CCSER1: variants seen among roughly 807,000 people sequenced by gnomAD.
CCSER1 encodes coiled-coil serine rich protein 1.
CCSER1 carries 41 observed loss-of-function variants against 82.0 expected under a neutral mutation model. The observed-to-expected ratio is 0.50, with a 90% CI of 0.39 to 0.65. The LOEUF is 0.65. Among genes scored for constraint, CCSER1 ranks in the 30% least tolerant of loss-of-function variants. CCSER1 has a pLI of 0.00. For synonymous variants in CCSER1, 414 were observed against 383.9 expected, an observed-to-expected ratio of 1.08 and a Z score of -0.92; for missense variants, 1,119 against 1,064.2, an observed-to-expected ratio of 1.05 and a Z score of -0.72.
At chr4:91,358,164 A>G (rs1748983513) in intron 10 of CCSER1, among the ~76,000 whole-genome samples, 1 of 151,750 alleles carries the variant, frequency 6.6e-6, no homozygotes, top group Non-Finnish European at 1.5e-5. Context: ...TGCCTCTGCC[A>G]GCTGCTTATA....
At chr4:91,519,215 T>C (rs762247266) in intron 10 of CCSER1, among the ~76,000 whole-genome samples, 5 of 152,160 alleles carry the variant, frequency 3.3e-5, no homozygotes, top group African/African-American at 1.2e-4. Flanking sequence ...CACTTTTCCA[T>C]AGGGCGGCCA....
At chr4:91,127,236 A>C (rs1396245964) in intron 10 of CCSER1, among the ~76,000 whole-genome samples, 2 of 152,124 alleles carry the variant, frequency 1.3e-5, no homozygotes, top group Non-Finnish European at 2.9e-5. Flanking sequence ...AGAAATTACC[A>C]AGGGCACTAT....
intron 9 of CCSER1, among the ~76,000 whole-genome samples, chr4:90,977,918 T>G (rs1735756425): frequency 6.6e-6 from 1 of 151,692 alleles, no homozygotes; most frequent in African/African-American, 2.4e-5. Context: ...TCAATTCCTT[T>G]TCAATGCCCT....
intron 6 of CCSER1, among the ~76,000 whole-genome samples, chr4:90,712,899 G>A (rs541153960): frequency 7.3e-5 from 10 of 137,020 alleles, no homozygotes; most frequent in East Asian, 4.5e-4. Flanking sequence ...AATGTCCTTC[G>A]TCTCTTTTTT....
chr4:90,740,181 A>G (rs1164710867), intron 7 of CCSER1, among the ~76,000 whole-genome samples: 1 of 152,208 alleles, frequency 6.6e-6, no homozygotes, highest in Non-Finnish European at 1.5e-5. Context: ...AATAATGGAT[A>G]AAAACACTAA....
At chr4:91,395,545 G>A (rs975220142) in intron 10 of CCSER1, among the ~76,000 whole-genome samples, 5 of 152,062 alleles carry the variant, frequency 3.3e-5, no homozygotes, top group African/African-American at 9.7e-5. Context: ...GTCAACTGAA[G>A]GATGTGGGGA....
chr4:90,461,694 C>G (rs749408497), intron 4 of CCSER1, among the ~76,000 whole-genome samples: 1 of 152,120 alleles, frequency 6.6e-6, no homozygotes, highest in Non-Finnish European at 1.5e-5. Flanking sequence ...CTTCACTTTT[C>G]TTCAGTCTCT....
chr4:91,161,413 A>G (rs981608873), intron 10 of CCSER1, among the ~76,000 whole-genome samples: 6 of 152,114 alleles, frequency 3.9e-5, no homozygotes, highest in Non-Finnish European at 8.8e-5. Flanking sequence ...TATGAACTTT[A>G]AAGTAGTTTT....
At chr4:90,757,102 T>C (rs190295887) in intron 7 of CCSER1, among the ~76,000 whole-genome samples, 1 of 152,352 alleles carries the variant, frequency 6.6e-6, no homozygotes, top group East Asian at 1.9e-4. Flanking sequence ...TTTGTCTCAC[T>C]TTTGAAATGG....
chr4:91,541,223 T>C (rs1451757444), intron 10 of CCSER1, among the ~76,000 whole-genome samples: 1 of 152,162 alleles, frequency 6.6e-6, no homozygotes, highest in Non-Finnish European at 1.5e-5. Context: ...TATCATTCAC[T>C]ACAGTTTTTC....
intron 8 of CCSER1, among the ~76,000 whole-genome samples, chr4:90,853,108 A>C (rs551532768): frequency 1.3e-5 from 2 of 152,130 alleles, no homozygotes; most frequent in African/African-American, 2.4e-5. Flanking sequence ...ACAAAAAAAA[A>C]CAAAAACAAA....
intron 1 of CCSER1, among the ~76,000 whole-genome samples, chr4:90,260,998 G>A (rs1435822169): frequency 6.6e-6 from 1 of 152,168 alleles, no homozygotes; most frequent in Admixed American, 6.6e-5. Flanking sequence ...TTAGAGGTGT[G>A]AGGCACCACA....
chr4:91,418,424 C>T (rs1201771035), intron 10 of CCSER1, among the ~76,000 whole-genome samples: 1 of 149,126 alleles, frequency 6.7e-6, no homozygotes, highest in Admixed American at 6.7e-5. Context: ...CACAGAAATA[C>T]AAAAGATCAT....
At chr4:91,296,270 G>A (rs930492656) in intron 10 of CCSER1, among the ~76,000 whole-genome samples, 1 of 151,276 alleles carries the variant, frequency 6.6e-6, no homozygotes, top group Non-Finnish European at 1.5e-5. Flanking sequence ...AGCTTTCTAA[G>A]TTTTTCCATA....
chr4:90,543,986 G>A (rs773965518), intron 5 of CCSER1, among the ~76,000 whole-genome samples: 2 of 152,034 alleles, frequency 1.3e-5, no homozygotes, highest in Non-Finnish European at 2.9e-5. Flanking sequence ...AAGATATGAG[G>A]CATCTGTGTC....
At chr4:90,956,418 A>G (rs1163219310) in intron 9 of CCSER1, among the ~76,000 whole-genome samples, 1 of 152,178 alleles carries the variant, frequency 6.6e-6, no homozygotes, top group African/African-American at 2.4e-5. Flanking sequence ...ATGAAATACT[A>G]TGTGGGTGGC....
chr4:91,118,456 G>T (rs1212028601), intron 10 of CCSER1, among the ~76,000 whole-genome samples: 1 of 151,836 alleles, frequency 6.6e-6, no homozygotes, highest in Non-Finnish European at 1.5e-5. Flanking sequence ...TAAATTTTCT[G>T]TGGAGACAGG....
chr4:90,803,838 A>C lies in CCSER1; in HGVS notation c.2011-11924A>C, dbSNP rs185898299. ...TTTACACTCCCACCAACAGTGTAAA[A>C]GTTTTCCTATTTCTCCACATCTTCT... On this transcript the variant is annotated intron_variant, in intron 7 of 10. Transcript: ENST00000509176. 5.1e-3 allele frequency among the ~76,000 whole-genome samples: 777 copies of C among 152,284 alleles called. 5 individuals are homozygous for C. The highest frequency in any genetic ancestry group is 0.017 in the African/African-American group (706 of 41,548).
chr4:91,311,659 A>G (rs894930286), intron 10 of CCSER1, among the ~76,000 whole-genome samples: 1 of 151,964 alleles, frequency 6.6e-6, no homozygotes, highest in East Asian at 1.9e-4. Flanking sequence ...AATATAATCT[A>G]TAAATCATAA....
Sources: gnomAD v4.1 joint callset for allele counts (sites outside exome capture counted in the v4.1 genomes callset) on GRCh38, gnomAD v4.1.1 for gene constraint, MANE v1.5 for transcripts, NCBI Gene and HGNC (gene_info 2026-07-23, HGNC 2026-07-21) for gene names.